STARD8: variants seen among roughly 807,000 people sequenced by gnomAD.
The protein encoded by STARD8 is StAR related lipid transfer domain containing 8.
In STARD8, 25 loss-of-function variants were observed where a neutral mutation model predicts 69.4. The ratio of observed to expected loss-of-function variants is 0.36; its 90% CI spans 0.26 to 0.50. The LOEUF (loss-of-function observed/expected upper bound fraction) is 0.50. STARD8 is among the 20% of genes least tolerant of loss of function. The probability of loss-of-function intolerance (pLI) is 0.96; values close to 1 mark genes in which losing one functional copy is unlikely to be tolerated. For synonymous variants in STARD8, 389 were observed against 374.6 expected (o/e 1.04, Z -0.45); for missense variants, 921 against 932.5 (o/e 0.99, Z 0.16).
intron 2 of STARD8, among the ~76,000 whole-genome samples, chrX:68,679,068 T>G (rs1407967266): frequency 8.9e-6 from 1 of 112,313 alleles, no homozygotes; most frequent in African/African-American, 3.2e-5. Context: ...CATTAGTATG[T>G]GCCAGATGCT....
At chrX:68,722,290 TC>T (rs1314711515) in intron 11 of STARD8, 129 bp downstream of exon 11, 21 of 832,371 alleles carry the variant, frequency 2.5e-5, no homozygotes, top group Non-Finnish European at 3.4e-5. Context: ...CCCCAACTCT[TC>T]CCCCACAATG....
chrX:68,721,167 C>T, intron 9 of STARD8, 45 bp downstream of exon 9: 1 of 1,175,497 alleles, frequency 8.5e-7, no homozygotes, highest in Admixed American at 2.2e-5. Context: ...CCATTCTCAA[C>T]CTCCCTGAAT....
intron 2 of STARD8, among the ~76,000 whole-genome samples, chrX:68,700,168 A>G (rs2079955493): frequency 8.9e-6 from 1 of 111,882 alleles, no homozygotes; most frequent in African/African-American, 3.3e-5. Context: ...AGAAATACCA[A>G]CGTAGCCATT....
chrX:68,722,495 T>C lies in STARD8; in HGVS notation c.2648T>C (p.Leu883Pro). 1 of 1,211,153 alleles carries C rather than the reference T, an allele frequency of 8.3e-7. No individual in the cohort carries two copies. Among genetic ancestry groups the C allele is most frequent in the Non-Finnish European group, 1.1e-6 (1 of 895,338 alleles). The stretch of plus-strand genomic sequence containing the variant: ...GAGCTCAGCCCTCCCGGCCCAGCCC[T>C]GGCTGAGCTGCGTCAGGCCCAAGCT... ...AAELSPPGPA[L>P]AELRQAQAAG... The change falls in exon 12 of 15, where the codon CTG (leucine) becomes CCG (proline). Residue 883 changes from leucine (L) to proline (P), a missense_variant. Physicochemically the swap from Leu to Pro is moderately conservative, Grantham distance 98 (BLOSUM62 -3). Coordinates refer to ENST00000374599, the MANE Select transcript of STARD8 (RefSeq NM_001142503.3).
intron 4 of STARD8, 72 bp from the exon 5 acceptor site, chrX:68,716,296 G>GTGT: frequency 1.0e-6 from 1 of 1,002,063 alleles, no homozygotes; most frequent in East Asian, 3.2e-5. Flanking sequence ...TGAAGTGGCA[G>GTGT]GTGCATCTTG....
At chrX:68,652,846 C>T (rs2079559978) in intron 1 of STARD8, among the ~76,000 whole-genome samples, 1 of 38,308 alleles carries the variant, frequency 2.6e-5, no homozygotes, top group East Asian at 1.1e-3. Flanking sequence ...CACACACCCC[C>T]ACACACCACA....
At chrX:68,713,128 G>GCTCCTGCAGTTGCACCTTTCT in intron 3 of STARD8, 143 bp downstream of exon 3, 1 of 556,903 alleles carries the variant, frequency 1.8e-6, no homozygotes, top group Middle Eastern at 3.4e-4. Context: ...CAGGGACTTT[G>GCTCCTGCAGTTGCACCTTTCT]CTCCTGCAGT....
chrX:68,653,154 CAA>C (rs1330177005), intron 1 of STARD8, among the ~76,000 whole-genome samples: 1 of 1,794 alleles, frequency 5.6e-4, no homozygotes, highest in African/African-American at 1.9e-3. Flanking sequence ...CACACCACAC[CAA>C]ACACACACAC....
intron 2 of STARD8, among the ~76,000 whole-genome samples, chrX:68,709,360 G>A (rs1171612181): frequency 3.6e-5 from 4 of 112,635 alleles, no homozygotes; most frequent in African/African-American, 9.7e-5. Context: ...ACAGGGGAAC[G>A]CAGCAGCTGG....
intron 1 of STARD8, among the ~76,000 whole-genome samples, chrX:68,662,733 A>G (rs1039254101): frequency 2.7e-5 from 3 of 111,465 alleles, no homozygotes; most frequent in Non-Finnish European, 3.8e-5. Context: ...TCTAAACACT[A>G]CTTCCTTCAT....
intron 2 of STARD8, among the ~76,000 whole-genome samples, chrX:68,701,203 T>G (rs956752341): frequency 6.2e-5 from 7 of 112,844 alleles, no homozygotes; most frequent in Non-Finnish European, 1.3e-4. Context: ...ACACCAATAA[T>G]AATAGTGAAC....
At chrX:68,668,061 C>CTT (rs1308447161) in intron 2 of STARD8, among the ~76,000 whole-genome samples, 1 of 50,764 alleles carries the variant, frequency 2.0e-5, no homozygotes, top group Admixed American at 2.9e-4. Context: ...TCTTTCTTTT[C>CTT]TTTCTTTCTT....
chrX:68,654,046 C>G (rs1232280828), intron 1 of STARD8, among the ~76,000 whole-genome samples: 1 of 111,113 alleles, frequency 9.0e-6, no homozygotes, highest in Non-Finnish European at 1.9e-5. Flanking sequence ...CTCTCCTGTC[C>G]CTCAGTTCCC....
chrX:68,707,902 G>T (rs2080021013), intron 2 of STARD8, among the ~76,000 whole-genome samples: 1 of 111,522 alleles, frequency 9.0e-6, no homozygotes, highest in Admixed American at 9.5e-5. Context: ...CAGCCCAAGA[G>T]TGGGGTTGGT....
chrX:68,717,816 T>C lies in STARD8; in HGVS notation c.902T>C (p.Val301Ala). 1 of 1,211,275 alleles carries C rather than the reference T, an allele frequency of 8.3e-7. No individual in the cohort carries two copies. The highest frequency in any genetic ancestry group is 2.2e-5 in the Admixed American group (1 of 46,068). ...WTHRGDCLVH[V>A]PGDHKPGTFP... Reference sequence around the variant, plus strand: ...CACCGGGGTGATTGCCTGGTGCACGTTCCTGGGGACCACAAACCAGGCACA... The same window carrying C: ...CACCGGGGTGATTGCCTGGTGCACGCTCCTGGGGACCACAAACCAGGCACA... Residue 301 changes from valine (V) to alanine (A), a missense_variant, in exon 6 of 15, where the codon GTT becomes GCT. Physicochemically the swap from Val to Ala is moderately conservative, Grantham distance 64. Transcript: ENST00000374599.
At chrX:68,689,511 A>G (rs190274806) in intron 2 of STARD8, among the ~76,000 whole-genome samples, 5 of 112,460 alleles carry the variant, frequency 4.4e-5, no homozygotes, top group Admixed American at 3.7e-4. Context: ...GTCCCCGCGT[A>G]TCTGGGAAAG....
At chrX:68,693,625 C>T in intron 2 of STARD8, 5 of 754,604 alleles carry the variant, frequency 6.6e-6, no homozygotes, top group Non-Finnish European at 7.8e-6. Flanking sequence ...CTCGCCGACG[C>T]TCCCTCCCCA....
At chrX:68,654,718 C>T (rs2079600807) in intron 1 of STARD8, among the ~76,000 whole-genome samples, 1 of 110,642 alleles carries the variant, frequency 9.0e-6, no homozygotes, top group Non-Finnish European at 1.9e-5. Flanking sequence ...ACCCCCTGTG[C>T]AGGCTCACAT....
chrX:68,720,137 A>G (rs747409657), intron 7 of STARD8, 127 bp from the exon 8 acceptor site: 19 of 787,289 alleles, frequency 2.4e-5, no homozygotes, highest in Middle Eastern at 3.1e-4. Context: ...CAGGTGCTCA[A>G]TGAGTGTTGA....
Sources: allele counts gnomAD v4.1 joint callset (sites outside exome capture counted in the v4.1 genomes callset), GRCh38; gene constraint gnomAD v4.1.1; transcripts MANE v1.5; gene names NCBI Gene and HGNC (gene_info 2026-07-23, HGNC 2026-07-21).